IRF2: variants seen among roughly 807,000 people sequenced by gnomAD.
The protein encoded by IRF2 is interferon regulatory factor 2.
Under a neutral mutation model 40.6 loss-of-function variants are expected in IRF2, and 15 were observed. That is an observed-to-expected ratio of 0.37 (90% CI 0.25 to 0.57). IRF2 has a LOEUF of 0.57. Among genes scored for constraint, IRF2 ranks in the 20% least tolerant of loss-of-function variants. The pLI, the probability that IRF2 is intolerant of heterozygous loss-of-function variation, is 0.77. For missense variants in IRF2, 317 were observed against 455.7 expected, an observed-to-expected ratio of 0.70 and a Z score of 2.77; for synonymous variants, 151 against 165.5, an observed-to-expected ratio of 0.91 and a Z score of 0.67.
chr4:184,451,818 GC>G (rs1294035196), intron 1 of IRF2, among the ~76,000 whole-genome samples: 1 of 152,100 alleles, frequency 6.6e-6, no homozygotes, highest in Admixed American at 6.5e-5. Context: ...GTTCCCTGGG[GC>G]CCTTCCCAAC....
intron 5 of IRF2, 151 bp downstream of exon 5, chr4:184,418,016 A>C (rs1302759059): frequency 1.4e-6 from 1 of 698,058 alleles, no homozygotes; most frequent in Non-Finnish European, 2.6e-6. Context: ...AAGTGGATAC[A>C]TGCTGAAGAG....
At chr4:184,429,478 T>A (rs1737795512) in intron 1 of IRF2, among the ~76,000 whole-genome samples, 1 of 152,156 alleles carries the variant, frequency 6.6e-6, no homozygotes, top group Non-Finnish European at 1.5e-5. Context: ...AAAGCAGTTG[T>A]GGGAAAAAAT....
chr4:184,398,104 T>C (rs948298971), intron 7 of IRF2, among the ~76,000 whole-genome samples: 4 of 152,188 alleles, frequency 2.6e-5, no homozygotes, highest in Non-Finnish European at 5.9e-5. Context: ...GTGGATGGAA[T>C]GGATCTAGCA....
intron 1 of IRF2, among the ~76,000 whole-genome samples, chr4:184,461,112 A>G (rs781204791): frequency 8.5e-5 from 13 of 152,186 alleles, no homozygotes; most frequent in Non-Finnish European, 1.6e-4. Context: ...TCTGCTGGTT[A>G]CAGTGTCTCC....
chr4:184,437,153 T>C (rs1460574828), intron 1 of IRF2, among the ~76,000 whole-genome samples: 1 of 152,282 alleles, frequency 6.6e-6, no homozygotes, highest in East Asian at 1.9e-4. Context: ...CCTCCCGGGT[T>C]CAAGCAATTC....
chr4:184,405,777 G>A (rs1731806642), intron 6 of IRF2, among the ~76,000 whole-genome samples: 1 of 152,160 alleles, frequency 6.6e-6, no homozygotes, highest in South Asian at 2.1e-4. Flanking sequence ...GGCAGCGGCA[G>A]CCAGGGAGAG....
At position 184,463,289 on chromosome 4, in the gene IRF2, C is replaced by T. The variant is rs919468022; in HGVS notation, c.-7+11090G>A. Among the ~76,000 whole-genome samples the T allele has an allele frequency of 3.9e-5, 6 of 152,348 alleles. No individual in the cohort carries two copies. In the Middle Eastern group the frequency reaches 0.01, roughly 259 times the overall value. ...CAGTCCTTTCAGGACTGTACTACAA[C>T]TTTCCCCTGTATTGTCTTCACACCT... On this transcript the variant is annotated intron_variant, in intron 1 of 8. Coordinates refer to ENST00000393593, the MANE Select transcript of IRF2 (RefSeq NM_002199.4).
In IRF2 at chr4:184,418,518, G is replaced by T; in HGVS notation, c.364+14C>A. On this transcript the variant is annotated intron_variant, in intron 4 of 8. Coordinates refer to ENST00000393593, the MANE Select transcript of IRF2 (RefSeq NM_002199.4). ...AAATTGATTTACCTTATTTTAGTCT[G>T]TAAATGCCTTTACCTTTCTTAGAAG... 6.2e-7 allele frequency: 1 copy of T among 1,611,776 alleles called. No individual in the cohort carries two copies.
At chr4:184,467,874 G>A (rs1179799070) in intron 1 of IRF2, among the ~76,000 whole-genome samples, 3 of 152,174 alleles carry the variant, frequency 2.0e-5, no homozygotes, top group African/African-American at 7.2e-5. Context: ...CTCAAAAATC[G>A]TCATTTAATG....
At chr4:184,444,335 C>T (rs1738425425) in intron 1 of IRF2, among the ~76,000 whole-genome samples, 1 of 152,198 alleles carries the variant, frequency 6.6e-6, no homozygotes, top group Non-Finnish European at 1.5e-5. Flanking sequence ...CCATTCAGGT[C>T]TCCATCCGGC....
At chr4:184,456,337 A>G (rs793807) in intron 1 of IRF2, among the ~76,000 whole-genome samples, 148,114 of 152,322 alleles carry the variant, frequency 0.97, 72,171 homozygotes, top group Middle Eastern at 1. Context: ...CCTGGAAGCC[A>G]AGGGATCCTC....
At chr4:184,435,235 A>G (rs1419760849) in intron 1 of IRF2, among the ~76,000 whole-genome samples, 1 of 152,220 alleles carries the variant, frequency 6.6e-6, no homozygotes, top group African/African-American at 2.4e-5. Flanking sequence ...CTCTGCCTTC[A>G]TCGTACTTTA....
intron 1 of IRF2, among the ~76,000 whole-genome samples, chr4:184,450,902 C>T (rs975128239): frequency 1.3e-5 from 2 of 152,174 alleles, no homozygotes; most frequent in Non-Finnish European, 2.9e-5. Context: ...TCCACTGAGA[C>T]CAGTACGTAA....
chr4:184,417,703 T>C (rs1224446202), intron 5 of IRF2, among the ~76,000 whole-genome samples: 1 of 152,204 alleles, frequency 6.6e-6, no homozygotes, highest in Non-Finnish European at 1.5e-5. Context: ...AGTGCTGACA[T>C]TGACCACTCT....
intron 5 of IRF2, among the ~76,000 whole-genome samples, chr4:184,409,066 G>T (rs1736975885): frequency 6.6e-6 from 1 of 152,140 alleles, no homozygotes; most frequent in Admixed American, 6.5e-5. Flanking sequence ...GCCCTGAGGT[G>T]CCTGTGGACG....
chr4:184,436,565 A>G (rs1373343967), intron 1 of IRF2, among the ~76,000 whole-genome samples: 1 of 152,276 alleles, frequency 6.6e-6, no homozygotes, highest in Non-Finnish European at 1.5e-5. Context: ...TACATAAATC[A>G]TTGTTAAATG....
At chr4:184,389,715 G>A (rs1033773466) in intron 8 of IRF2, among the ~76,000 whole-genome samples, 2 of 152,082 alleles carry the variant, frequency 1.3e-5, no homozygotes, top group African/African-American at 2.4e-5. Context: ...TGTGCTCTGC[G>A]GCTCGGCCCG....
chr4:184,472,473 C>T (rs1443213787), intron 1 of IRF2: 2 of 152,162 alleles, frequency 1.3e-5, no homozygotes, highest in African/African-American at 2.4e-5. Context: ...ACAGCAGTCT[C>T]GGTGATGCCT....
chr4:184,397,762 T>C (rs1456785257), intron 7 of IRF2, among the ~76,000 whole-genome samples: 1 of 152,242 alleles, frequency 6.6e-6, no homozygotes, highest in Non-Finnish European at 1.5e-5. Context: ...GGGACTCTGC[T>C]TTTTATTTTT....
Sources: gnomAD v4.1 joint callset for allele counts (sites outside exome capture counted in the v4.1 genomes callset) on GRCh38, gnomAD v4.1.1 for gene constraint, MANE v1.5 for transcripts, NCBI Gene and HGNC (gene_info 2026-07-23, HGNC 2026-07-21) for gene names.